The following GRIN3B variants were observed in gnomAD, a reference collection of about 807,000 sequenced individuals.
GRIN3B encodes glutamate receptor ionotropic, NMDA 3B.
Under a neutral mutation model 66.0 loss-of-function variants are expected in GRIN3B, and 77 were observed. The ratio of observed to expected loss-of-function variants is 1.17; its 90% CI spans 0.97 to 1.41. The LOEUF (loss-of-function observed/expected upper bound fraction) is 1.41, where lower values mean the gene tolerates loss of function less well. Among genes scored for constraint, GRIN3B ranks in the 40% most tolerant of loss-of-function variants. The pLI is 0.00. For synonymous variants in GRIN3B, 823 were observed against 749.7 expected (o/e 1.10, Z -1.60); for missense variants, 1,787 against 1,564.5 (o/e 1.14, Z -2.40).
At position 1,008,930 on chromosome 19, in the gene GRIN3B, A is replaced by T; in HGVS notation, c.2702+3A>T. The stretch of plus-strand genomic sequence containing the variant: ...GAGACGGCAGAGGCGGAGCCCAGGT[A>T]AGTGGTGGTCGGGGCGGACCACGAT... On this transcript the variant is annotated splice_donor_region_variant and intron_variant, in intron 8 of 8. Transcript: ENST00000234389. The T allele has an allele frequency of 6.2e-7, 1 of 1,605,250 alleles. No homozygotes were observed. The highest frequency in any genetic ancestry group is 8.5e-7 in the Non-Finnish European group (1 of 1,176,740).
At chr19:1,008,486 G>A in intron 6 of GRIN3B, 132 bp from the exon 7 acceptor site, 2 of 1,147,134 alleles carry the variant, frequency 1.7e-6, no homozygotes, top group South Asian at 3.0e-5. Context: ...CAGCCATGGA[G>A]TCCCTGCCTC....
intron 2 of GRIN3B, among the ~76,000 whole-genome samples, chr19:1,004,260 G>A (rs1015043234): frequency 2.6e-5 from 4 of 152,324 alleles, no homozygotes; most frequent in Admixed American, 2.0e-4. Flanking sequence ...GGAAACAGGT[G>A]ACCCCAGCTG....
Position 1,005,272 on chromosome 19 carries a change from T to C in GRIN3B, c.1771T>C (p.Phe591Leu), listed in dbSNP as rs779232737. The C allele has an allele frequency of 6.2e-7, 1 of 1,613,562 alleles. No individual in the cohort carries two copies. Among genetic ancestry groups the C allele is most frequent in the South Asian group, 1.1e-5 (1 of 91,086 alleles). Residue 591 changes from phenylalanine (F) to leucine (L), a missense_variant, in exon 3 of 9, where the codon TTC becomes CTC. Phe to Leu is a conservative substitution (Grantham distance 22). Transcript: ENST00000234389. This position sits in a 1 kb window ranked among gnomAD's most constrained non-coding sequence, Gnocchi z 5.2. ...TGCGGCCCTGCACCTCACCGCGCTC[T>C]TCCTCACCGTGTACGAGTGGCGTAG... is the stretch of plus-strand genomic sequence containing the variant. Reference protein sequence around the residue: ...VFAALHLTALFLTVYEWRSPY... With the variant: ...VFAALHLTALLLTVYEWRSPY...
exon 9 of GRIN3B, chr19:1,009,731 T>TCCGC: frequency 4.9e-6 from 4 of 808,988 alleles, no homozygotes; most frequent in South Asian, 1.1e-4. Context: ...TGAGCGCTCC[T>TCCGC]CCGCATTCCT....
chr19:1,004,680 G>C lies in GRIN3B; in HGVS notation c.1179G>C (p.Gln393His), dbSNP rs1484906621. The C allele has an allele frequency of 6.3e-7, 1 of 1,599,564 alleles. No homozygotes were observed. Among genetic ancestry groups the C allele is most frequent in the East Asian group, 2.3e-5 (1 of 44,042 alleles). Residue 393 changes from glutamine to histidine, a missense_variant, in exon 3 of 9, where the codon CAG becomes CAC. Transcript: ENST00000234389. ...CGGTGGGCAGCTGGCGGGACGGCCA[G>C]CTGGACTTGGAACCGGGAGGTGCCT... Reference protein sequence around the residue: ...WATVGSWRDGQLDLEPGGASA... With the variant: ...WATVGSWRDGHLDLEPGGASA...
At chr19:1,006,836 A>T (rs1463008787) in intron 3 of GRIN3B, among the ~76,000 whole-genome samples, 1 of 152,188 alleles carries the variant, frequency 6.6e-6, no homozygotes, top group African/African-American at 2.4e-5. Context: ...TTTTCATCAT[A>T]CGGAAACTTC....
rs952462581 is a variant in GRIN3B, at chr19:1,007,872, C to T, written c.2215C>T (p.Leu739Phe). Reference protein sequence around the residue: ...VAMLTSDPPKLNAFIMDKSLL... With the variant: ...VAMLTSDPPKFNAFIMDKSLL... ...CCCCAGCAGGAGCGACCCCCCCAAG[C>T]TCAACGCCTTCATCATGGACAAGTC... The change falls in exon 5 of 9, where the codon CTC becomes TTC. Residue 739 changes from leucine to phenylalanine, a missense_variant. Transcript: ENST00000234389. This position sits in a 1 kb window ranked among gnomAD's most constrained non-coding sequence, Gnocchi z 4.4. 6.2e-6 allele frequency: 10 copies of T among 1,610,946 alleles called. No individual in the cohort carries two copies. The African/African-American group carries it at 9.4e-5, about 15-fold the overall frequency.
In GRIN3B at chr19:1,000,880, G is replaced by A. The variant is rs1035156351; in HGVS notation, c.426+17G>A. 14 of 1,385,994 alleles carry A rather than the reference G, an allele frequency of 1.0e-5. No homozygotes were observed. Among genetic ancestry groups the A allele is most frequent in the Non-Finnish European group, 1.3e-5 (14 of 1,075,162 alleles). The allele number at this position is 1,385,994 out of a possible 1,614,324, so 85.9% of individuals were successfully genotyped here. On this transcript the variant is annotated intron_variant, in intron 1 of 8. Coordinates refer to ENST00000234389, the MANE Select transcript of GRIN3B (RefSeq NM_138690.3). ...GGAGCCCCGGTACGCGGGACGCCCG[G>A]AGTCAGGACGAGGGGGACCCGGGGC...
chr19:1,006,780 G>C (rs923762507), intron 3 of GRIN3B, among the ~76,000 whole-genome samples: 5 of 152,206 alleles, frequency 3.3e-5, no homozygotes, highest in African/African-American at 1.2e-4. Context: ...GACTGCTGCC[G>C]GCGGCTCTTC....
intron 8 of GRIN3B, 70 bp from the exon 9 acceptor site, chr19:1,009,103 G>A: frequency 6.9e-7 from 1 of 1,446,396 alleles, no homozygotes; most frequent in Non-Finnish European, 9.1e-7. Flanking sequence ...GCCGTCAGCG[G>A]CCTCTGCAGA....
In GRIN3B at chr19:1,004,678, C is replaced by T. The variant is rs1328265098; in HGVS notation, c.1177C>T (p.Gln393Ter). ...WATVGSWRDG[Q>*]LDLEPGGASA... ...CACGGTGGGCAGCTGGCGGGACGGCCAGCTGGACTTGGAACCGGGAGGTGC... is the reference window on the plus strand; with the variant it reads ...CACGGTGGGCAGCTGGCGGGACGGCTAGCTGGACTTGGAACCGGGAGGTGC... The change falls in exon 3 of 9, where the codon CAG (glutamine) becomes TAG (stop). Residue 393 changes from glutamine to a stop codon, truncating the protein, a stop_gained. Transcript: ENST00000234389. LOFTEE classifies it high-confidence loss of function. 1 of 1,599,314 alleles carries T rather than the reference C, an allele frequency of 6.3e-7. No homozygotes were observed. The highest frequency in any genetic ancestry group is 8.5e-7 in the Non-Finnish European group (1 of 1,173,396).
At position 1,009,325 on chromosome 19, in the gene GRIN3B, C is replaced by T. The variant is rs1368738349; in HGVS notation, c.2855C>T (p.Ala952Val). ...GTGGCACCCGAAGCGGACGCGGAGG[C>T]GGAGGCTGCGCCGCGAGAGGGCCCC... ...VVVAPEADAE[A>V]EAAPREGPVW... Residue 952 changes from alanine (A) to valine (V), a missense_variant, in exon 9 of 9, where the codon GCG becomes GTG. By Grantham distance (64) the Ala-to-Val change is moderately conservative. Coordinates refer to ENST00000234389, the MANE Select transcript of GRIN3B (RefSeq NM_138690.3). 3.6e-6 allele frequency: 5 copies of T among 1,401,036 alleles called. No individual in the cohort carries two copies. Among genetic ancestry groups the T allele is most frequent in the Admixed American group, 3.4e-5 (1 of 28,992 alleles). The allele number at this position is 1,401,036 out of a possible 1,614,324, so 86.8% of individuals were successfully genotyped here.
rs1247816233 is a variant in GRIN3B at position 1,007,136 on chromosome 19, G to A, written c.2053-492G>A. 2.6e-5 allele frequency among the ~76,000 whole-genome samples: 4 copies of A among 152,178 alleles called. No individual in the cohort carries two copies. The highest frequency in any genetic ancestry group is 7.2e-5 in the African/African-American group (3 of 41,436). The stretch of plus-strand genomic sequence containing the variant: ...GGAGCTGTGGAGGGGTGAGCAGTGG[G>A]CAGTTCCCTGTGTTGCAGGTGGCGC... On this transcript the variant is annotated intron_variant, in intron 3 of 8. Coordinates refer to ENST00000234389, the MANE Select transcript of GRIN3B (RefSeq NM_138690.3). This position sits in a 1 kb window ranked among gnomAD's most constrained non-coding sequence, Gnocchi z 4.4.
Position 1,008,272 on chromosome 19 carries a change from G to C in GRIN3B, c.2447G>C (p.Arg816Pro). 2 of 1,608,876 alleles carry C rather than the reference G, an allele frequency of 1.2e-6. No individual in the cohort carries two copies. Among genetic ancestry groups the C allele is most frequent in the South Asian group, 1.1e-5 (1 of 90,644 alleles). ...KWYKMVPCGK[R>P]VFAVTETLQM... ...TACAAGATGGTGCCTTGCGGCAAGC[G>C]GGTCTTTGCGGTTACAGAGGTGGGG... The change falls in exon 6 of 9, where the codon CGG becomes CCG. Residue 816 changes from arginine to proline, a missense_variant. Physicochemically the swap from Arg to Pro is moderately radical, Grantham distance 103 (BLOSUM62 -2). Transcript: ENST00000234389.
chr19:1,009,007 G>C (rs1055931420), intron 8 of GRIN3B, 80 bp downstream of exon 8: 39 of 1,523,292 alleles, frequency 2.6e-5, no homozygotes, highest in Non-Finnish European at 3.3e-5. Flanking sequence ...AGCCGGCCGC[G>C]GGGTGCAGGA....
Position 1,007,267 on chromosome 19 carries a change from G to A in GRIN3B, c.2053-361G>A, listed in dbSNP as rs1401691847. Among the ~76,000 whole-genome samples, 1 of 151,986 alleles carries A rather than the reference G, an allele frequency of 6.6e-6. No homozygotes were observed. Among genetic ancestry groups the A allele is most frequent in the Non-Finnish European group, 1.5e-5 (1 of 67,946 alleles). On this transcript the variant is annotated intron_variant, in intron 3 of 8. Coordinates refer to ENST00000234389, the MANE Select transcript of GRIN3B (RefSeq NM_138690.3). This position sits in a 1 kb window ranked among gnomAD's most constrained non-coding sequence, Gnocchi z 4.4. ...GGGGGCAGATCAGGAGTGGGGTCAT[G>A]GACATGTTAGAGTGGGGCTCCCGTG...
Position 1,009,701 on chromosome 19 carries a change from T to G in GRIN3B, c.*99T>G. 6 of 1,000,438 alleles carry G rather than the reference T, an allele frequency of 6.0e-6. No homozygotes were observed. The highest frequency in any genetic ancestry group is 8.0e-6 in the Non-Finnish European group (6 of 745,992). The allele number at this position is 1,000,438 out of a possible 1,614,324, so 62.0% of individuals were successfully genotyped here. ...TATATACAAACACAATTTTGTACAC[T>G]GCAATTAAATAGAATGGAATGAGCG... On this transcript the variant is annotated 3_prime_UTR_variant, in exon 9 of 9. Coordinates refer to ENST00000234389, the MANE Select transcript of GRIN3B (RefSeq NM_138690.3).
At position 1,004,999 on chromosome 19, in the gene GRIN3B, G is replaced by T. The variant is rs377572345; in HGVS notation, c.1498G>T (p.Val500Leu). 6.2e-7 allele frequency: 1 copy of T among 1,612,144 alleles called. No homozygotes were observed. The stretch of plus-strand genomic sequence containing the variant: ...GCCCTTCGACTTCGAGCTGTACCTC[G>T]TGGGTGACGGCAAGTACGGCGCCCT... ...DTPFDFELYL[V>L]GDGKYGALRD... The change falls in exon 3 of 9, where the codon GTG becomes TTG. Residue 500 changes from valine to leucine, a missense_variant. By Grantham distance (32) the Val-to-Leu change is conservative. Coordinates refer to ENST00000234389, the MANE Select transcript of GRIN3B (RefSeq NM_138690.3).
rs61744452 is a variant in GRIN3B at position 1,003,658 on chromosome 19, G to A, written c.955G>A (p.Ala319Thr). Reference sequence around the variant, plus strand: ...GCAGCCGAAGCGAGCCCTCCTCCCCGCCCCGGTCAACTGCGGGGACCTGCA... The same window carrying A: ...GCAGCCGAAGCGAGCCCTCCTCCCCACCCCGGTCAACTGCGGGGACCTGCA... Reference protein sequence around the residue: ...QVQPKRALLPAPVNCGDLQPA... With the variant: ...QVQPKRALLPTPVNCGDLQPA... Residue 319 changes from alanine (A) to threonine (T), a missense_variant, in exon 2 of 9, where the codon GCC becomes ACC. Ala to Thr is a moderately conservative substitution (Grantham distance 58). Transcript: ENST00000234389. 0.041 allele frequency: 58,060 copies of A among 1,412,734 alleles called. 1,513 individuals carry two copies. The highest frequency in any genetic ancestry group is 0.097 in the African/African-American group (6,414 of 65,924). 87.5% of individuals were successfully genotyped at this position (1,412,734 alleles called of 1,614,324 possible). A position where few individuals can be genotyped will look rare whatever the true frequency, so the allele number is the denominator to read the frequency against.
Sources: gnomAD v4.1 joint callset for allele counts (sites outside exome capture counted in the v4.1 genomes callset) on GRCh38, gnomAD v4.1.1 for gene constraint, Gnocchi (gnomAD v3.1) non-coding constraint, MANE v1.5 for transcripts, NCBI Gene and HGNC (gene_info 2026-07-23, HGNC 2026-07-21) for gene names.